The following NGEF variants were observed in gnomAD, a reference collection of about 807,000 sequenced individuals.
NGEF encodes ephexin-1.
Under a neutral mutation model 80.9 loss-of-function variants are expected in NGEF, and 31 were observed. The ratio of observed to expected loss-of-function variants is 0.38; its 90% confidence interval spans 0.29 to 0.52. NGEF has a LOEUF of 0.52. NGEF is among the 20% of genes least tolerant of loss of function. The pLI, the probability that NGEF is intolerant of heterozygous loss-of-function variation, is 0.84. For synonymous variants in NGEF, 371 were observed against 370.2 expected, an observed-to-expected ratio of 1.00 and a Z score of -0.03; for missense variants, 709 against 926.2, an observed-to-expected ratio of 0.77 and a Z score of 3.04.
chr2:232,988,430 TC>T (rs1193251037), intron 1 of NGEF, among the ~76,000 whole-genome samples: 5 of 152,214 alleles, frequency 3.3e-5, no homozygotes, highest in African/African-American at 1.2e-4. Flanking sequence ...CACTGAGATG[TC>T]TTTTTTCACT....
chr2:232,962,044 C>T (rs1252991930), intron 3 of NGEF, among the ~76,000 whole-genome samples: 2 of 152,188 alleles, frequency 1.3e-5, no homozygotes, highest in East Asian at 3.8e-4. Flanking sequence ...CCTGGAGTCT[C>T]CAGGATCCAG....
intron 5 of NGEF, among the ~76,000 whole-genome samples, chr2:232,918,737 T>C (rs1301165947): frequency 2.0e-5 from 3 of 150,086 alleles, no homozygotes; most frequent in African/African-American, 7.3e-5. Flanking sequence ...CAAGCGATTC[T>C]CCTACCTCAG....
intron 13 of NGEF, among the ~76,000 whole-genome samples, chr2:232,881,807 C>T (rs1458786517): frequency 1.3e-5 from 2 of 152,172 alleles, no homozygotes; most frequent in Admixed American, 6.5e-5. Context: ...GAGCTCCTGA[C>T]CTCAGGTGAT....
At chr2:232,894,625 T>A in intron 6 of NGEF, 131 bp downstream of exon 6, 1 of 975,892 alleles carries the variant, frequency 1.0e-6, no homozygotes, top group Non-Finnish European at 1.4e-6. Context: ...TTATTTATAT[T>A]TTATTATGGA....
At chr2:232,945,451 G>A (rs535365949) in intron 3 of NGEF, among the ~76,000 whole-genome samples, 9 of 150,156 alleles carry the variant, frequency 6.0e-5, no homozygotes, top group Admixed American at 1.3e-4. Flanking sequence ...GTCTTTATAA[G>A]AGGAGGGAAA....
intron 2 of NGEF, among the ~76,000 whole-genome samples, chr2:232,971,075 C>CT (rs397748395): frequency 5.3e-5 from 8 of 151,878 alleles, no homozygotes; most frequent in South Asian, 2.1e-4. Context: ...TCTGCTCACC[C>CT]GGGGGTGGGA....
chr2:232,888,496 T>G (rs545261476), intron 8 of NGEF, among the ~76,000 whole-genome samples: 28 of 150,888 alleles, frequency 1.9e-4, no homozygotes, highest in Non-Finnish European at 2.7e-4. Flanking sequence ...TGTACACACG[T>G]GTACAAACAT....
intron 5 of NGEF, among the ~76,000 whole-genome samples, chr2:232,896,144 T>C (rs1692051752): frequency 3.9e-5 from 6 of 152,210 alleles, no homozygotes; most frequent in Admixed American, 3.9e-4. Context: ...ATCCATGTCC[T>C]AACCCCAGCA....
chr2:232,923,408 T>C (rs1051847236), intron 4 of NGEF, among the ~76,000 whole-genome samples: 2 of 152,118 alleles, frequency 1.3e-5, no homozygotes, highest in South Asian at 2.1e-4. Flanking sequence ...ACCCATTCTA[T>C]GCTCAGAGAA....
At chr2:232,987,245 T>C (rs898546577) in intron 1 of NGEF, among the ~76,000 whole-genome samples, 1 of 152,058 alleles carries the variant, frequency 6.6e-6, no homozygotes, top group African/African-American at 2.4e-5. Flanking sequence ...CTTGAACTCC[T>C]GACCTCAAGT....
intron 1 of NGEF, among the ~76,000 whole-genome samples, chr2:233,002,956 A>G (rs6720354): frequency 0.52 from 79,688 of 151,994 alleles, 21,751 homozygotes; most frequent in East Asian, 0.92. Flanking sequence ...CCCTTCTTAC[A>G]CTGACCTCAG....
rs559228086 is a variant in NGEF, at chr2:232,914,965, C to T, written c.828+5319G>A. Among the ~76,000 whole-genome samples, 45 of 149,622 alleles carry T rather than the reference C, an allele frequency of 3.0e-4. 1 individual carries two copies. The highest frequency in any genetic ancestry group is 6.5e-4 in the Non-Finnish European group (44 of 67,694). ...CTGGGAGGCAGAGGCTGCAGCAAGC[C>T]GAGATTGTGCCACTGCTCTCCAGCC... On this transcript the variant is annotated intron_variant, in intron 5 of 14. Coordinates refer to ENST00000264051, the MANE Select transcript of NGEF (RefSeq NM_019850.3).
At position 232,893,024 on chromosome 2, in the gene NGEF, A is replaced by G. The variant is rs1574993869; in HGVS notation, c.1016T>C (p.Met339Thr). The change falls in exon 7 of 15, where the codon ATG (methionine) becomes ACG (threonine). Residue 339 changes from methionine (M) to threonine (T), a missense_variant. Around this residue, in one of 2 missense-constraint regions of NGEF, gnomAD observed 426 missense variants for 622.9 expected, o/e 0.68. Transcript: ENST00000264051. ...ERFLLELEHR[M>T]EENIVISDVC... The stretch of plus-strand genomic sequence containing the variant: ...GTCAGAGATGACGATGTTCTCCTCC[A>G]TCCGGTGCTCCAGCTCCAGGAGGAA... The G allele has an allele frequency of 1.9e-6, 3 of 1,612,982 alleles. No homozygotes were observed. Among genetic ancestry groups the G allele is most frequent in the Non-Finnish European group, 2.5e-6 (3 of 1,179,704 alleles).
At chr2:232,942,912 T>C (rs1394865272) in intron 3 of NGEF, among the ~76,000 whole-genome samples, 48 of 149,470 alleles carry the variant, frequency 3.2e-4, no homozygotes, top group South Asian at 2.3e-3. Context: ...TTCTTTTTTT[T>C]TTTTTTTTTT....
At chr2:232,952,236 A>G (rs1693692493) in intron 3 of NGEF, among the ~76,000 whole-genome samples, 1 of 152,254 alleles carries the variant, frequency 6.6e-6, no homozygotes, top group Non-Finnish European at 1.5e-5. Context: ...ATAAATTCCA[A>G]GGACAATACT....
chr2:232,918,259 A>G (rs939562682), intron 5 of NGEF, among the ~76,000 whole-genome samples: 2 of 151,700 alleles, frequency 1.3e-5, no homozygotes, highest in Non-Finnish European at 1.5e-5. Flanking sequence ...TGCCTGGCTT[A>G]CCTGGCTAAT....
intron 5 of NGEF, among the ~76,000 whole-genome samples, chr2:232,907,176 A>G (rs1351626199): frequency 5.5e-5 from 4 of 72,490 alleles, no homozygotes; most frequent in Non-Finnish European, 8.9e-5. Context: ...AAAAAAAAGA[A>G]AAGAAAAAAA....
chr2:233,005,031 C>T (rs1695057629), intron 1 of NGEF, among the ~76,000 whole-genome samples: 1 of 152,188 alleles, frequency 6.6e-6, no homozygotes, highest in Non-Finnish European at 1.5e-5. Context: ...CCACCTTTCT[C>T]TACTCCTTCG....
intron 3 of NGEF, among the ~76,000 whole-genome samples, chr2:232,943,302 C>G (rs1693476877): frequency 6.6e-6 from 1 of 151,740 alleles, no homozygotes; most frequent in Non-Finnish European, 1.5e-5. Context: ...GTGATAGATT[C>G]TTACCAGGAG....
Sources: gnomAD v4.1 joint callset for allele counts (sites outside exome capture counted in the v4.1 genomes callset) on GRCh38, gnomAD v4.1.1 for gene constraint, gnomAD v4.1.1 regional missense constraint, MANE v1.5 for transcripts, NCBI Gene and HGNC (gene_info 2026-07-23, HGNC 2026-07-21) for gene names.